The following LOC400499 variants were observed in gnomAD, a reference collection of about 807,000 sequenced individuals.
At chr16:11,386,594 C>G in the LOC400499 span, among the ~76,000 whole-genome samples, 1 of 152,224 alleles carries the variant, frequency 6.6e-6, no homozygotes, top group African/African-American at 2.4e-5. Flanking sequence ...ACAGTACATG[C>G]CCATTACCCA....
At chr16:11,450,043 A>T in the LOC400499 span, among the ~76,000 whole-genome samples, 29 of 152,148 alleles carry the variant, frequency 1.9e-4, no homozygotes, top group Non-Finnish European at 3.5e-4. Flanking sequence ...CTTGACTCCA[A>T]CCTGGTGCCA....
chr16:11,431,184 C>A, the LOC400499 span: 1 of 399,044 alleles, frequency 2.5e-6, no homozygotes, highest in African/African-American at 2.1e-5. Flanking sequence ...TGAGGAGCAA[C>A]TGTGCTGTGT....
the LOC400499 span, chr16:11,387,168 TGGCCCCAGACAGCTCTCGGAGC>T: frequency 8.1e-7 from 1 of 1,232,192 alleles, no homozygotes; most frequent in Non-Finnish European, 1.0e-6. Flanking sequence ...GCCAGCACGT[TGGCCCCAGACAGCTCTCGGAGC>T]GGCCGCAGCA....
chr16:11,487,303 G>C, the LOC400499 span: 1 of 399,052 alleles, frequency 2.5e-6, no homozygotes, highest in East Asian at 3.6e-5. Flanking sequence ...TGGATGGTCA[G>C]GTTGACTGTG....
chr16:11,519,109 C>T, the LOC400499 span: 1 of 396,940 alleles, frequency 2.5e-6, no homozygotes, highest in Non-Finnish European at 4.4e-6. Context: ...AGACCCCTCC[C>T]TTGACCAGGT....
chr16:11,508,488 T>G, the LOC400499 span, among the ~76,000 whole-genome samples: 1 of 152,254 alleles, frequency 6.6e-6, no homozygotes. Flanking sequence ...GCTTCCCCTC[T>G]GCTCACATCC....
At chr16:11,408,451 A>ATTTT in the LOC400499 span, among the ~76,000 whole-genome samples, 118 of 131,174 alleles carry the variant, frequency 9.0e-4, 1 homozygote, top group Non-Finnish European at 1.2e-3. Context: ...TCAGTGCAGG[A>ATTTT]TTTTTTTTTT....
chr16:11,440,818 A>G, the LOC400499 span: 1 of 398,942 alleles, frequency 2.5e-6, no homozygotes, highest in African/African-American at 2.1e-5. Flanking sequence ...GCCCCCATCC[A>G]AGCTCAGGGC....
the LOC400499 span, among the ~76,000 whole-genome samples, chr16:11,429,677 TTGG>T: frequency 6.6e-6 from 1 of 152,126 alleles, no homozygotes; most frequent in Non-Finnish European, 1.5e-5. Flanking sequence ...TTTCACCATG[TTGG>T]CCAGGCTGGT....
At chr16:11,445,255 T>C in the LOC400499 span, among the ~76,000 whole-genome samples, 1 of 151,992 alleles carries the variant, frequency 6.6e-6, no homozygotes, top group Non-Finnish European at 1.5e-5. Flanking sequence ...ACCCAGTCTC[T>C]ACTAAAAATA....
the LOC400499 span, chr16:11,372,353 T>A: frequency 6.6e-6 from 1 of 152,278 alleles, no homozygotes; most frequent in African/African-American, 2.4e-5. Context: ...GCAGTCAGCG[T>A]TCTGAAGCAG....
chr16:11,451,642 G>A, the LOC400499 span, among the ~76,000 whole-genome samples: 1 of 152,152 alleles, frequency 6.6e-6, no homozygotes, highest in South Asian at 2.1e-4. Context: ...CAATAAAGAA[G>A]GAATTTGATA....
At chr16:11,420,471 C>A in the LOC400499 span, among the ~76,000 whole-genome samples, 1 of 149,224 alleles carries the variant, frequency 6.7e-6, no homozygotes, top group East Asian at 2.0e-4. Context: ...GGAGGGATAG[C>A]ATTAGGAGAT....
the LOC400499 span, chr16:11,385,269 A>G: frequency 1.6e-6 from 2 of 1,232,172 alleles, no homozygotes; most frequent in East Asian, 3.2e-5. Context: ...CAGGGCTGTG[A>G]GCCCCGAGCC....
chr16:11,465,196 G>A, the LOC400499 span: 2 of 152,282 alleles, frequency 1.3e-5, no homozygotes, highest in Non-Finnish European at 1.5e-5. Flanking sequence ...GCATGATCTC[G>A]ACTCACTGGA....
At chr16:11,460,166 GT>G in the LOC400499 span, 1 of 958,924 alleles carries the variant, frequency 1.0e-6, no homozygotes, top group East Asian at 3.1e-5. Flanking sequence ...AGAAGAGACG[GT>G]TCTGTAGAAA....
chr16:11,456,999 A>C, the LOC400499 span: 1 of 1,535,434 alleles, frequency 6.5e-7, no homozygotes, highest in African/African-American at 1.4e-5. Context: ...GTAAAGCTGC[A>C]CGCGGCAATC....
chr16:11,375,564 T>C, the LOC400499 span, among the ~76,000 whole-genome samples: 17,189 of 139,794 alleles, frequency 0.12, 1,632 homozygotes, highest in Middle Eastern at 0.27. Flanking sequence ...CCGCCCACCT[T>C]GGCTTCCCAA....
At chr16:11,461,072 C>T in the LOC400499 span, 9 of 1,536,064 alleles carry the variant, frequency 5.9e-6, no homozygotes, top group Admixed American at 2.0e-5. Context: ...AGCTCGGCAC[C>T]CAGGGCGGCC....
Sources: allele counts gnomAD v4.1 joint callset (sites outside exome capture counted in the v4.1 genomes callset), GRCh38; gene constraint gnomAD v4.1.1; transcripts MANE v1.5.